The following DCLK2 variants were observed in gnomAD, a reference collection of about 807,000 sequenced individuals.
The protein encoded by DCLK2 is serine/threonine-protein kinase DCLK2.
In DCLK2, 31 loss-of-function variants were observed where a neutral mutation model predicts 78.4. The observed-to-expected ratio is 0.40, with a 90% confidence interval of 0.30 to 0.53. DCLK2 has a LOEUF of 0.53. Ranked by LOEUF, DCLK2 falls within the 20% of genes least tolerant of loss-of-function variation. The probability of loss-of-function intolerance (pLI) is 0.61; values close to 1 mark genes in which losing one functional copy is unlikely to be tolerated. For missense variants in DCLK2, 872 were observed against 973.7 expected, an observed-to-expected ratio of 0.90 and a Z score of 1.39; for synonymous variants, 407 against 374.9, an observed-to-expected ratio of 1.09 and a Z score of -0.99.
intron 15 of DCLK2, chr4:150,253,237 T>C (rs755487923): frequency 3.8e-6 from 2 of 525,822 alleles, no homozygotes; most frequent in Non-Finnish European, 7.5e-6. Flanking sequence ...TAACTGAGAC[T>C]GTGGGGCCAA....
At position 150,130,604 on chromosome 4, in the gene DCLK2, CAG is replaced by C. The variant is rs575929681; in HGVS notation, c.756+27793_756+27794del. ...TTGGAGATGGAGAGTTAAGTTTAAA[CAG>C]GGGGCTATGTGAAGACTATATCAGC... On this transcript the variant is annotated intron_variant, in intron 2 of 15. Transcript: ENST00000296550. Among the ~76,000 whole-genome samples the C allele has an allele frequency of 1.6e-4, 25 of 152,108 alleles. No individual in the cohort carries two copies. In the East Asian group the frequency reaches 4.3e-3, roughly 26 times the overall value.
intron 2 of DCLK2, among the ~76,000 whole-genome samples, chr4:150,128,175 A>G (rs780464614): frequency 3.3e-5 from 5 of 152,162 alleles, no homozygotes; most frequent in Non-Finnish European, 4.4e-5. Context: ...GCTGCCACAT[A>G]TTCTACAGTG....
chr4:150,091,245 T>C (rs1346029059), intron 1 of DCLK2, among the ~76,000 whole-genome samples: 2 of 152,242 alleles, frequency 1.3e-5, no homozygotes, highest in Non-Finnish European at 2.9e-5. Flanking sequence ...TCGAATCATC[T>C]TGTAGAGGCA....
rs869144130 is a variant in DCLK2, at chr4:150,175,108, AT to A, written c.757-18029del. On this transcript the variant is annotated intron_variant, in intron 2 of 15. Transcript: ENST00000296550. ...TATATATATATTTATATATATTTAT[AT>A]ATTTATATTTTTTATATATATATAA... is the stretch of plus-strand genomic sequence containing the variant. 1.3e-3 allele frequency among the ~76,000 whole-genome samples: 113 copies of A among 84,028 alleles called. 23 individuals carry two copies. Among genetic ancestry groups the A allele is most frequent in the African/African-American group, 6.5e-3 (106 of 16,278 alleles). 55.1% of individuals were successfully genotyped at this position (84,028 alleles called of 152,430 possible). A position where few individuals can be genotyped will look rare whatever the true frequency, so the allele number is the denominator to read the frequency against.
At chr4:150,106,102 C>A (rs1036651907) in intron 2 of DCLK2, among the ~76,000 whole-genome samples, 1 of 151,344 alleles carries the variant, frequency 6.6e-6, no homozygotes, top group African/African-American at 2.5e-5. Context: ...TAAAATATTT[C>A]TTTGGAAAAA....
chr4:150,174,723 G>A lies in DCLK2; in HGVS notation c.757-18415G>A, dbSNP rs1017000065. ...CTTAAAAAAATACATTAGGCTGGGC[G>A]CGGTGGCTCACACCTCTAATCCCAG... On this transcript the variant is annotated intron_variant, in intron 2 of 15. Coordinates refer to ENST00000296550, the MANE Select transcript of DCLK2 (RefSeq NM_001040260.4). Among the ~76,000 whole-genome samples, 6 of 151,190 alleles carry A rather than the reference G, an allele frequency of 4.0e-5. No individual in the cohort carries two copies. In the East Asian group the frequency reaches 5.9e-4, roughly 15 times the overall value.
intron 2 of DCLK2, among the ~76,000 whole-genome samples, chr4:150,133,998 A>T (rs1411851426): frequency 2.6e-5 from 4 of 152,088 alleles, no homozygotes; most frequent in African/African-American, 9.7e-5. Context: ...TAGTTGTGAT[A>T]CAATGTTGAA....
chr4:150,200,797 A>C (rs1039021966), intron 4 of DCLK2, among the ~76,000 whole-genome samples: 1 of 152,222 alleles, frequency 6.6e-6, no homozygotes, highest in Non-Finnish European at 1.5e-5. Context: ...ATAGCTAAAT[A>C]GTATGTAAAA....
rs981198955 is a variant in DCLK2, at chr4:150,105,238, A to G, written c.756+2426A>G. The stretch of plus-strand genomic sequence containing the variant: ...GGAAAATCACAAAGTGTAAGGTTGA[A>G]TGGACAACATAAAAATGAAAGATTT... On this transcript the variant is annotated intron_variant, in intron 2 of 15. Transcript: ENST00000296550. Among the ~76,000 whole-genome samples, 3 of 152,300 alleles carry G rather than the reference A, an allele frequency of 2.0e-5. No individual in the cohort carries two copies. In the East Asian group the frequency reaches 5.8e-4, roughly 29 times the overall value.
Position 150,136,909 on chromosome 4 carries a change from C to T in DCLK2, c.756+34097C>T, listed in dbSNP as rs1733724122. Among the ~76,000 whole-genome samples, 2 of 151,062 alleles carry T rather than the reference C, an allele frequency of 1.3e-5. 1 individual carries two copies. The highest frequency in any genetic ancestry group is 4.2e-4 in the South Asian group (2 of 4,744). On this transcript the variant is annotated intron_variant, in intron 2 of 15. Coordinates refer to ENST00000296550, the MANE Select transcript of DCLK2 (RefSeq NM_001040260.4). ...TTGTGAAGTTGTGTGCATAATGGAT[C>T]ATGGAGAACCTAGCATATAACTGTA...
At chr4:150,090,681 C>G (rs10005584) in intron 1 of DCLK2, among the ~76,000 whole-genome samples, 2,899 of 152,178 alleles carry the variant, frequency 0.019, 78 homozygotes, top group African/African-American at 0.067. Flanking sequence ...AAACTCCTCC[C>G]AGATTTCAAT....
At chr4:150,173,197 G>A (rs1008456427) in intron 2 of DCLK2, among the ~76,000 whole-genome samples, 3 of 152,126 alleles carry the variant, frequency 2.0e-5, no homozygotes, top group Non-Finnish European at 2.9e-5. Flanking sequence ...TGAGGGAGAT[G>A]GATCTGGGCT....
intron 1 of DCLK2, among the ~76,000 whole-genome samples, chr4:150,091,683 G>C (rs754852511): frequency 2.0e-4 from 31 of 152,084 alleles, no homozygotes; most frequent in Admixed American, 5.2e-4. Flanking sequence ...TATAGTAACT[G>C]ATAGAAAAGT....
At chr4:150,246,136 C>G (rs1560906819) in intron 12 of DCLK2, among the ~76,000 whole-genome samples, 1 of 152,056 alleles carries the variant, frequency 6.6e-6, no homozygotes, top group Admixed American at 6.6e-5. Context: ...CCTCCGCCTC[C>G]CAGGTTCAAG....
At chr4:150,186,704 G>A (rs748393978) in intron 2 of DCLK2, among the ~76,000 whole-genome samples, 17 of 152,170 alleles carry the variant, frequency 1.1e-4, no homozygotes, top group Non-Finnish European at 1.9e-4. Context: ...AGTATCAACT[G>A]AATTTGGGCC....
At chr4:150,218,314 A>G (rs1251701554) in intron 5 of DCLK2, among the ~76,000 whole-genome samples, 1 of 152,162 alleles carries the variant, frequency 6.6e-6, no homozygotes, top group Non-Finnish European at 1.5e-5. Flanking sequence ...TTAATCAAAT[A>G]AACATTGGGA....
chr4:150,129,928 A>G (rs1173032944), intron 2 of DCLK2, among the ~76,000 whole-genome samples: 1 of 152,016 alleles, frequency 6.6e-6, no homozygotes, highest in Non-Finnish European at 1.5e-5. Flanking sequence ...TTGTATTTGC[A>G]GTTTGTGTAC....
intron 9 of DCLK2, 52 bp from the exon 10 acceptor site, chr4:150,232,630 T>C (rs1742165403): frequency 6.3e-7 from 1 of 1,591,132 alleles, no homozygotes; most frequent in Admixed American, 1.7e-5. Context: ...TTTCTTACCT[T>C]CATAGGATTG....
chr4:150,119,629 C>T (rs535772661), intron 2 of DCLK2, among the ~76,000 whole-genome samples: 6 of 152,178 alleles, frequency 3.9e-5, no homozygotes, highest in Non-Finnish European at 8.8e-5. Context: ...ACCTCCACCT[C>T]TGCTACTTTC....
Sources: allele counts gnomAD v4.1 joint callset (sites outside exome capture counted in the v4.1 genomes callset), GRCh38; gene constraint gnomAD v4.1.1; transcripts MANE v1.5; gene names NCBI Gene and HGNC (gene_info 2026-07-23, HGNC 2026-07-21).